Variants in TP63 observed in about 807,000 individuals in gnomAD.
TP63 encodes the protein tumor protein 63.
A neutral mutation model predicts 82.8 loss-of-function variants in TP63; 17 were observed. That is an observed-to-expected ratio of 0.21 (90% CI 0.14 to 0.31). The LOEUF is 0.31. TP63 is among the 10% of genes least tolerant of loss of function. The pLI is 1.00. For missense variants in TP63, 648 were observed against 895.3 expected (o/e 0.72, Z 3.52); for synonymous variants, 330 against 321.7 (o/e 1.03, Z -0.28).
chr3:189,682,162 T>C (rs1282560508), intron 1 of TP63, among the ~76,000 whole-genome samples: 4 of 152,094 alleles, frequency 2.6e-5, no homozygotes, highest in Admixed American at 6.6e-5. Context: ...GTGATGACAT[T>C]CTTAATATCT....
intron 4 of TP63, among the ~76,000 whole-genome samples, chr3:189,819,596 A>C (rs953469827): frequency 1.3e-5 from 2 of 152,110 alleles, no homozygotes; most frequent in African/African-American, 4.8e-5. Flanking sequence ...CTTTAAGTTT[A>C]GCTACTTGGC....
intron 9 of TP63, among the ~76,000 whole-genome samples, chr3:189,869,929 T>A (rs1718216086): frequency 6.6e-6 from 1 of 152,118 alleles, no homozygotes; most frequent in Admixed American, 6.5e-5. Context: ...AAATATGTGT[T>A]TTTTAAAATT....
intron 1 of TP63, among the ~76,000 whole-genome samples, chr3:189,682,556 ATATATATATAT>A (rs1560107464): frequency 0.039 from 138 of 3,578 alleles, 1 homozygote; most frequent in African/African-American, 0.061. Context: ...AAAAAAAAAT[ATATATATATAT>A]ATATATATAT....
intron 13 of TP63, among the ~76,000 whole-genome samples, chr3:189,893,411 G>A (rs1279206736): frequency 6.6e-6 from 1 of 152,176 alleles, no homozygotes; most frequent in East Asian, 1.9e-4. Context: ...ATTCTGCCCT[G>A]TGAAAATATG....
chr3:189,744,536 C>G (rs1201610480), intron 3 of TP63, among the ~76,000 whole-genome samples: 1 of 152,198 alleles, frequency 6.6e-6, no homozygotes, highest in African/African-American at 2.4e-5. Context: ...GCTGAGCATT[C>G]CTTCTGGTCA....
At chr3:189,827,956 G>A (rs930250337) in intron 4 of TP63, among the ~76,000 whole-genome samples, 3 of 152,056 alleles carry the variant, frequency 2.0e-5, no homozygotes, top group African/African-American at 2.4e-5. Flanking sequence ...TAAGAGATAT[G>A]GGGGCCAGGT....
chr3:189,667,694 A>T (rs564025358), intron 1 of TP63, among the ~76,000 whole-genome samples: 2 of 152,246 alleles, frequency 1.3e-5, no homozygotes, highest in African/African-American at 4.8e-5. Context: ...GAAGAACCCA[A>T]TGCCCCAACT....
At chr3:189,598,246 AGGAGAGGAGG>A in the TP63 span, among the ~76,000 whole-genome samples, 1 of 145,876 alleles carries the variant, frequency 6.9e-6, no homozygotes, top group African/African-American at 2.5e-5. Context: ...AGAGATGGAG[AGGAGAGGAGG>A]GGAGAGGAAG....
intron 1 of TP63, among the ~76,000 whole-genome samples, chr3:189,733,900 G>T (rs1203396666): frequency 6.6e-6 from 1 of 152,026 alleles, no homozygotes; most frequent in African/African-American, 2.4e-5. Flanking sequence ...TTATCAGATG[G>T]TCTTCTAATT....
At chr3:189,820,339 C>T (rs1253709734) in intron 4 of TP63, among the ~76,000 whole-genome samples, 2 of 152,176 alleles carry the variant, frequency 1.3e-5, no homozygotes, top group Admixed American at 6.5e-5. Flanking sequence ...TAAGTTTCCA[C>T]AATGCATTCA....
At chr3:189,621,855 T>C in the TP63 span, among the ~76,000 whole-genome samples, 2 of 152,206 alleles carry the variant, frequency 1.3e-5, no homozygotes, top group African/African-American at 4.8e-5. Context: ...ATTAAATAAA[T>C]CAGTAGCAGA....
At chr3:189,750,386 A>G (rs1374437734) in intron 3 of TP63, among the ~76,000 whole-genome samples, 2 of 152,176 alleles carry the variant, frequency 1.3e-5, no homozygotes, top group Non-Finnish European at 2.9e-5. Flanking sequence ...TAGAAAACGT[A>G]TAAGTTCTAA....
chr3:189,656,705 A>G (rs1405019177), intron 1 of TP63, among the ~76,000 whole-genome samples: 1 of 152,144 alleles, frequency 6.6e-6, no homozygotes, highest in Non-Finnish European at 1.5e-5. Flanking sequence ...TAGAACAGCT[A>G]TATTCATAAG....
At chr3:189,767,088 C>T (rs569231271) in intron 3 of TP63, among the ~76,000 whole-genome samples, 2 of 152,106 alleles carry the variant, frequency 1.3e-5, no homozygotes, top group African/African-American at 2.4e-5. Context: ...AATCTTTCCC[C>T]ATAACTTTTT....
chr3:189,719,055 C>T (rs992375241), intron 1 of TP63, among the ~76,000 whole-genome samples: 6 of 151,600 alleles, frequency 4.0e-5, no homozygotes, highest in Admixed American at 1.3e-4. Flanking sequence ...TCTCGGTTGC[C>T]GTAATTGAAG....
intron 3 of TP63, among the ~76,000 whole-genome samples, chr3:189,754,693 T>C (rs777464768): frequency 2.6e-5 from 4 of 152,176 alleles, no homozygotes; most frequent in Non-Finnish European, 5.9e-5. Context: ...GGATTCACAA[T>C]GTCACTTAAC....
intron 4 of TP63, among the ~76,000 whole-genome samples, chr3:189,822,741 A>G (rs1477533604): frequency 6.6e-6 from 1 of 152,206 alleles, no homozygotes; most frequent in Non-Finnish European, 1.5e-5. Context: ...GACTCATGCT[A>G]CAAAATGATA....
intron 1 of TP63, among the ~76,000 whole-genome samples, chr3:189,703,437 T>TAGATAGATAGATAGATAGAC (rs1466870960): frequency 2.0e-4 from 30 of 151,362 alleles, no homozygotes; most frequent in Admixed American, 9.9e-4. Flanking sequence ...AATAGATAGA[T>TAGATAGATAGATAGATAGAC]AGATAGATAG....
At chr3:189,724,244 C>A (rs1301838808) in intron 1 of TP63, among the ~76,000 whole-genome samples, 4 of 152,004 alleles carry the variant, frequency 2.6e-5, no homozygotes, top group African/African-American at 9.7e-5. Flanking sequence ...ATAAATGTAT[C>A]TTCAAGGTTC....
Sources: gnomAD v4.1 joint callset for allele counts (sites outside exome capture counted in the v4.1 genomes callset) on GRCh38, gnomAD v4.1.1 for gene constraint, MANE v1.5 for transcripts, NCBI Gene and HGNC (gene_info 2026-07-23, HGNC 2026-07-21) for gene names.